FAM13A: variants seen among roughly 807,000 people sequenced by gnomAD.
The protein encoded by FAM13A is family with sequence similarity 13 member A.
In FAM13A, 76 loss-of-function variants were observed where a neutral mutation model predicts 129.6. That is an observed-to-expected ratio of 0.59 (90% CI 0.49 to 0.71). The LOEUF (loss-of-function observed/expected upper bound fraction) is 0.71. Among genes scored for constraint, FAM13A ranks in the 30% least tolerant of loss-of-function variants. The pLI is 0.00. For synonymous variants in FAM13A, 443 were observed against 449.9 expected, an observed-to-expected ratio of 0.98 and a Z score of 0.20; for missense variants, 1,108 against 1,249.3, an observed-to-expected ratio of 0.89 and a Z score of 1.70.
chr4:89,025,290 C>A, intron 2 of FAM13A, among the ~76,000 whole-genome samples: 1 of 120,336 alleles, frequency 8.3e-6, no homozygotes, highest in East Asian at 2.4e-4. Flanking sequence ...CGGAGTCTCG[C>A]TCTGTCGCCC....
At chr4:88,836,358 T>C (rs1324041737) in intron 7 of FAM13A, among the ~76,000 whole-genome samples, 1 of 152,212 alleles carries the variant, frequency 6.6e-6, no homozygotes, top group African/African-American at 2.4e-5. Flanking sequence ...TTTTTAGTGG[T>C]TATACTGCAT....
At chr4:88,892,173 C>CTTTTTTTTTTTTT in intron 6 of FAM13A, among the ~76,000 whole-genome samples, 1 of 67,906 alleles carries the variant, frequency 1.5e-5, no homozygotes, top group Non-Finnish European at 2.7e-5. Flanking sequence ...AAGATCCTGT[C>CTTTTTTTTTTTTT]TTTTTTTTTT....
intron 5 of FAM13A, among the ~76,000 whole-genome samples, chr4:88,913,472 GGAGGAAGAGGAAGAAGAAGAGGAGGAA>G (rs1749523390): frequency 1.6e-5 from 2 of 122,316 alleles, no homozygotes; most frequent in African/African-American, 3.2e-5. Context: ...AAGAGGAGGA[GGAGGAAGAGGAAGAAGAAGAGGAGGAA>G]GAGGAAGAGG....
intron 11 of FAM13A, 146 bp downstream of exon 11, chr4:88,781,019 A>G (rs1722733827): frequency 2.4e-6 from 1 of 415,486 alleles, no homozygotes; most frequent in African/African-American, 2.1e-5. Flanking sequence ...AAAAAGAAAT[A>G]CAAATATATA....
chr4:88,873,112 C>T (rs901628241), intron 6 of FAM13A, among the ~76,000 whole-genome samples: 2 of 152,080 alleles, frequency 1.3e-5, no homozygotes, highest in Non-Finnish European at 1.5e-5. Context: ...ACACAACATA[C>T]CAGAATCTCT....
chr4:88,856,787 A>G (rs1051488741), intron 6 of FAM13A, among the ~76,000 whole-genome samples: 2 of 152,198 alleles, frequency 1.3e-5, no homozygotes, highest in South Asian at 4.1e-4. Context: ...GAAGATGGCA[A>G]AGCTTCTTGC....
chr4:88,781,903 A>G (rs1030529232), intron 10 of FAM13A, among the ~76,000 whole-genome samples: 19 of 151,658 alleles, frequency 1.3e-4, no homozygotes, highest in East Asian at 3.9e-4. Flanking sequence ...TGACGAGTTA[A>G]TGGGTGCAGC....
chr4:88,912,576 C>T (rs1045754620), intron 5 of FAM13A, among the ~76,000 whole-genome samples: 9 of 139,340 alleles, frequency 6.5e-5, no homozygotes, highest in Non-Finnish European at 9.6e-5. Flanking sequence ...CATACACACA[C>T]ACACACACAC....
In FAM13A at chr4:88,726,103, T is replaced by C. The variant is rs1736406168; in HGVS notation, c.*2430A>G. ...AATCCCAGTCCAGAGCATTTTGTCT[T>C]TGTGAAGCCAATTAATTAAGACACC... On this transcript the variant is annotated 3_prime_UTR_variant, in exon 24 of 24. Transcript: ENST00000264344. 1 of 152,210 alleles carries C rather than the reference T, an allele frequency of 6.6e-6. No individual in the cohort carries two copies. The highest frequency in any genetic ancestry group is 2.4e-5 in the African/African-American group (1 of 41,446). The allele number at this position is 152,210 out of a possible 1,614,324, so 9.4% of individuals were successfully genotyped here.
intron 4 of FAM13A, among the ~76,000 whole-genome samples, chr4:88,945,799 G>GTA (rs1215502984): frequency 7.3e-6 from 1 of 136,548 alleles, no homozygotes; most frequent in Admixed American, 7.5e-5. Flanking sequence ...ATATATATAA[G>GTA]TATATATATA....
intron 3 of FAM13A, among the ~76,000 whole-genome samples, chr4:89,002,512 TCCC>T (rs2149057787): frequency 6.6e-6 from 1 of 152,282 alleles, no homozygotes; most frequent in Admixed American, 6.5e-5. Flanking sequence ...ACTTCCCACC[TCCC>T]CCAAGCCCTG....
At chr4:89,033,501 T>G (rs1406168839) in intron 1 of FAM13A, among the ~76,000 whole-genome samples, 2 of 152,264 alleles carry the variant, frequency 1.3e-5, no homozygotes, top group East Asian at 3.9e-4. Flanking sequence ...TGTCTCCAAC[T>G]AGATAGTGGT....
intron 6 of FAM13A, among the ~76,000 whole-genome samples, chr4:88,902,071 T>A (rs536476232): frequency 5.3e-5 from 8 of 152,114 alleles, no homozygotes; most frequent in African/African-American, 1.7e-4. Context: ...AAACTGAGTC[T>A]CTGAATAGAC....
intron 2 of FAM13A, among the ~76,000 whole-genome samples, chr4:89,022,935 CCT>C (rs1767465740): frequency 6.6e-6 from 1 of 152,084 alleles, no homozygotes; most frequent in Non-Finnish European, 1.5e-5. Flanking sequence ...GAATTTTTCC[CCT>C]GTTGAGTCCT....
rs73845057 is a variant in FAM13A at position 88,997,827 on chromosome 4, T to C, written c.428-6677A>G. ...AAGACAACCAAAATACTTAGCCTCA[T>C]GGTGCCAGATTTGTCAAAGTAGCTT... On this transcript the variant is annotated intron_variant, in intron 3 of 23. Transcript: ENST00000264344. 5.5e-3 allele frequency among the ~76,000 whole-genome samples: 830 copies of C among 152,280 alleles called. 11 individuals are homozygous for C. The highest frequency in any genetic ancestry group is 0.018 in the African/African-American group (768 of 41,554).
intron 10 of FAM13A, among the ~76,000 whole-genome samples, chr4:88,781,692 A>G (rs954703067): frequency 6.6e-6 from 1 of 151,988 alleles, no homozygotes; most frequent in Non-Finnish European, 1.5e-5. Flanking sequence ...TTAAATATAT[A>G]TATATTTAAA....
At position 88,835,897 on chromosome 4, in the gene FAM13A, G is replaced by C. The variant is rs537108892; in HGVS notation, c.1007+15123C>G. ...CTTAATAGGCCATGGACCTGTACCAGTCCATGGCCTGGGGGTTGGGGACCC... is the reference window on the plus strand; with the variant it reads ...CTTAATAGGCCATGGACCTGTACCACTCCATGGCCTGGGGGTTGGGGACCC... On this transcript the variant is annotated intron_variant, in intron 7 of 23. Coordinates refer to ENST00000264344, the MANE Select transcript of FAM13A (RefSeq NM_014883.4). Among the ~76,000 whole-genome samples, 7 of 152,196 alleles carry C rather than the reference G, an allele frequency of 4.6e-5. No individual in the cohort carries two copies. In the East Asian group the frequency reaches 1.4e-3, roughly 29 times the overall value.
At chr4:88,762,769 T>C (rs1004742231) in intron 13 of FAM13A, among the ~76,000 whole-genome samples, 75 of 152,206 alleles carry the variant, frequency 4.9e-4, no homozygotes, top group African/African-American at 1.8e-3. Context: ...GCAAATATTA[T>C]CTGTTTCTCC....
intron 16 of FAM13A, 68 bp from the exon 17 acceptor site, chr4:88,749,101 T>A (rs754652860): frequency 3.4e-6 from 4 of 1,182,872 alleles, no homozygotes; most frequent in Admixed American, 1.7e-5. Flanking sequence ...TGTTTGATGA[T>A]CATTTTTGTT....
Sources: gnomAD v4.1 joint callset for allele counts (sites outside exome capture counted in the v4.1 genomes callset) on GRCh38, gnomAD v4.1.1 for gene constraint, MANE v1.5 for transcripts, NCBI Gene and HGNC (gene_info 2026-07-23, HGNC 2026-07-21) for gene names.